KCNAB1: variants seen among roughly 807,000 people sequenced by gnomAD.
KCNAB1 encodes potassium voltage-gated channel subfamily A regulatory beta subunit 1.
Under a neutral mutation model 64.6 loss-of-function variants are expected in KCNAB1, and 35 were observed. The ratio of observed to expected loss-of-function variants is 0.54; its 90% CI spans 0.41 to 0.72. The LOEUF (loss-of-function observed/expected upper bound fraction) is 0.72. KCNAB1 is among the 30% of genes least tolerant of loss of function. The pLI is 0.00. For missense variants in KCNAB1, 401 were observed against 512.9 expected, an observed-to-expected ratio of 0.78 and a Z score of 2.11; for synonymous variants, 177 against 183.8, an observed-to-expected ratio of 0.96 and a Z score of 0.30.
chr3:156,503,229 C>A (rs1438894054), intron 8 of KCNAB1, among the ~76,000 whole-genome samples: 1 of 152,066 alleles, frequency 6.6e-6, no homozygotes, highest in Non-Finnish European at 1.5e-5. Flanking sequence ...TTTTGTGAAC[C>A]ATATTCTACA....
At chr3:156,156,943 C>T (rs147375507) in intron 1 of KCNAB1, among the ~76,000 whole-genome samples, 95 of 152,306 alleles carry the variant, frequency 6.2e-4, no homozygotes, top group African/African-American at 2.3e-3. Flanking sequence ...ACAGCCTAGG[C>T]TCTCCAATGT....
intron 1 of KCNAB1, among the ~76,000 whole-genome samples, chr3:156,355,573 C>T (rs1010767730): frequency 6.6e-6 from 1 of 151,956 alleles, no homozygotes; most frequent in African/African-American, 2.4e-5. Context: ...AGTACAAAGA[C>T]AAAATAAAGC....
At chr3:156,152,195 C>A (rs1419061844) in intron 1 of KCNAB1, among the ~76,000 whole-genome samples, 1 of 152,188 alleles carries the variant, frequency 6.6e-6, no homozygotes, top group Non-Finnish European at 1.5e-5. Context: ...AATCCGGTCC[C>A]CTGTGTCCCT....
intron 2 of KCNAB1, among the ~76,000 whole-genome samples, chr3:156,444,579 C>G (rs2108266115): frequency 6.6e-6 from 1 of 152,316 alleles, no homozygotes; most frequent in African/African-American, 2.4e-5. Context: ...ACTTACTTAG[C>G]CTTTTATTCT....
intron 8 of KCNAB1, among the ~76,000 whole-genome samples, chr3:156,502,286 C>A (rs969514106): frequency 6.6e-6 from 1 of 152,114 alleles, no homozygotes; most frequent in Non-Finnish European, 1.5e-5. Context: ...TACCAGCACT[C>A]ATTATGAAAC....
At chr3:156,224,791 A>G (rs964776909) in intron 1 of KCNAB1, among the ~76,000 whole-genome samples, 7 of 152,230 alleles carry the variant, frequency 4.6e-5, no homozygotes, top group African/African-American at 1.7e-4. Flanking sequence ...GCTGCTATGA[A>G]CACCTTTACA....
At chr3:156,155,879 G>T (rs572125556) in intron 1 of KCNAB1, among the ~76,000 whole-genome samples, 1 of 152,300 alleles carries the variant, frequency 6.6e-6, no homozygotes, top group South Asian at 2.1e-4. Flanking sequence ...GGTACCTAGG[G>T]TTGGGTCCAG....
chr3:156,532,673 T>C (rs148433252), intron 13 of KCNAB1, among the ~76,000 whole-genome samples: 96 of 152,304 alleles, frequency 6.3e-4, no homozygotes, highest in Middle Eastern at 3.4e-3. Context: ...TGCAGCCGTG[T>C]AATCACCTCT....
chr3:156,158,513 T>A (rs1715890164), intron 1 of KCNAB1, among the ~76,000 whole-genome samples: 1 of 152,208 alleles, frequency 6.6e-6, no homozygotes, highest in Non-Finnish European at 1.5e-5. Context: ...TATAGACTAT[T>A]TTTTATCAGA....
intron 2 of KCNAB1, among the ~76,000 whole-genome samples, chr3:156,448,111 G>A (rs1015173856): frequency 6.6e-6 from 1 of 152,164 alleles, no homozygotes; most frequent in Non-Finnish European, 1.5e-5. Flanking sequence ...GGTTTTCAAA[G>A]CAAATATTCC....
chr3:156,435,994 T>C (rs947825129), intron 2 of KCNAB1, among the ~76,000 whole-genome samples: 1 of 152,184 alleles, frequency 6.6e-6, no homozygotes, highest in African/African-American at 2.4e-5. Context: ...TCCTGGTGGT[T>C]TGCTGAACCT....
At chr3:156,333,949 T>TA (rs57371935) in intron 1 of KCNAB1, among the ~76,000 whole-genome samples, 53,176 of 151,884 alleles carry the variant, frequency 0.35, 11,671 homozygotes, top group African/African-American at 0.63. Flanking sequence ...GCGCTCTTTA[T>TA]AAAAAAATTA....
At chr3:156,264,412 T>C (rs1576657719) in intron 1 of KCNAB1, among the ~76,000 whole-genome samples, 2 of 152,136 alleles carry the variant, frequency 1.3e-5, no homozygotes, top group African/African-American at 4.8e-5. Flanking sequence ...TTACGTTTAC[T>C]GTGTTGCTAT....
intron 2 of KCNAB1, among the ~76,000 whole-genome samples, chr3:156,440,215 G>C (rs1015321957): frequency 6.6e-6 from 1 of 152,174 alleles, no homozygotes; most frequent in Non-Finnish European, 1.5e-5. Flanking sequence ...GTGTATTTGA[G>C]AACAATTCAA....
chr3:156,316,054 G>A (rs1722249988), intron 1 of KCNAB1, among the ~76,000 whole-genome samples: 1 of 152,066 alleles, frequency 6.6e-6, no homozygotes. Flanking sequence ...AGTTACAAAT[G>A]GTACAACTCA....
At chr3:156,158,164 CAAA>C (rs1324815125) in intron 1 of KCNAB1, among the ~76,000 whole-genome samples, 1 of 42,878 alleles carries the variant, frequency 2.3e-5, no homozygotes, top group African/African-American at 7.0e-5. Flanking sequence ...AACTCTGTCT[CAAA>C]AAAAAAAATA....
chr3:156,529,638 G>A (rs929134083), intron 12 of KCNAB1, among the ~76,000 whole-genome samples: 5 of 152,164 alleles, frequency 3.3e-5, no homozygotes, highest in East Asian at 1.9e-4. Flanking sequence ...CAGGCCCTCT[G>A]GATGATTCTG....
chr3:156,327,039 T>C (rs1368487890), intron 1 of KCNAB1, among the ~76,000 whole-genome samples: 1 of 152,118 alleles, frequency 6.6e-6, no homozygotes, highest in Non-Finnish European at 1.5e-5. Context: ...TGTGTCTAAG[T>C]AGGATTCTCT....
intron 13 of KCNAB1, among the ~76,000 whole-genome samples, chr3:156,536,239 T>C (rs1054660546): frequency 2.0e-5 from 3 of 152,248 alleles, no homozygotes; most frequent in Non-Finnish European, 2.9e-5. Flanking sequence ...GTTCACAAGA[T>C]GTGACTTAGT....
Sources: gnomAD v4.1 joint callset for allele counts (sites outside exome capture counted in the v4.1 genomes callset) on GRCh38, gnomAD v4.1.1 for gene constraint, MANE v1.5 for transcripts, NCBI Gene and HGNC (gene_info 2026-07-23, HGNC 2026-07-21) for gene names.